RANBP3L: variants seen among roughly 807,000 people sequenced by gnomAD.
The protein encoded by RANBP3L is RAN binding protein 3 like, also known as ran-binding protein 3-like.
A neutral mutation model predicts 67.2 loss-of-function variants in RANBP3L; 56 were observed. The ratio of observed to expected loss-of-function variants is 0.83; its 90% CI spans 0.67 to 1.04. The LOEUF (loss-of-function observed/expected upper bound fraction) is 1.04, where lower values mean the gene tolerates loss of function less well. Among genes scored for constraint, RANBP3L ranks in the 50% least tolerant of loss-of-function variants. The pLI is 0.00. For missense variants in RANBP3L, 496 were observed against 535.5 expected, an observed-to-expected ratio of 0.93 and a Z score of 0.73; for synonymous variants, 164 against 181.4, an observed-to-expected ratio of 0.90 and a Z score of 0.77.
intron 1 of RANBP3L, among the ~76,000 whole-genome samples, chr5:36,272,399 A>AT (rs1369934103): frequency 6.6e-6 from 1 of 152,196 alleles, no homozygotes; most frequent in Admixed American, 6.5e-5. Context: ...CACTGAGGTA[A>AT]TTTGCCATCC....
intron 8 of RANBP3L, among the ~76,000 whole-genome samples, chr5:36,260,558 T>C (rs1363840): frequency 6.6e-6 from 1 of 151,966 alleles, no homozygotes; most frequent in Non-Finnish European, 1.5e-5. Context: ...TCAGTAATAA[T>C]GTTATAATTA....
intron 13 of RANBP3L, 66 bp from the exon 14 acceptor site, chr5:36,249,763 A>G (rs868492325): frequency 3.9e-6 from 3 of 763,058 alleles, no homozygotes; most frequent in Non-Finnish European, 6.3e-6. Flanking sequence ...TTAATATTGA[A>G]TGCAACTAAA....
chr5:36,285,244 G>A (rs1465454204), intron 1 of RANBP3L, among the ~76,000 whole-genome samples: 1 of 152,210 alleles, frequency 6.6e-6, no homozygotes, highest in Non-Finnish European at 1.5e-5. Context: ...CAACACAACT[G>A]AGGCAGCATT....
chr5:36,277,569 A>G (rs1469465172), intron 1 of RANBP3L, among the ~76,000 whole-genome samples: 2 of 151,652 alleles, frequency 1.3e-5, no homozygotes, highest in African/African-American at 4.8e-5. Context: ...CAGAATATCT[A>G]TCTGTATCTG....
rs1303925524 is a variant in RANBP3L, at chr5:36,265,067, T to C, written c.372A>G (p.Arg124=). 2.5e-6 allele frequency: 4 copies of C among 1,610,604 alleles called. No homozygotes were observed. Among genetic ancestry groups the C allele is most frequent in the East Asian group, 4.5e-5 (2 of 44,858 alleles). The change falls in exon 6 of 14, where the codon AGA becomes AGG. Residue 124 remains arginine (R), a synonymous_variant. Coordinates refer to ENST00000296604, the MANE Select transcript of RANBP3L (RefSeq NM_145000.5). ...GPVKHSKHVI[R]PAILQLPQAR... is the part of the protein sequence containing the mutation. ...CTTGAGGTAGCTGCAAAATAGCAGG[T>C]CTAATAACATGTTTAGAATGTTTCA...
rs1461492276 is a variant in RANBP3L, at chr5:36,301,467, C to T, written c.-51G>A. 7.0e-7 allele frequency: 1 copy of T among 1,433,176 alleles called. No homozygotes were observed. The highest frequency in any genetic ancestry group is 1.4e-5 in the African/African-American group (1 of 71,584). The allele number at this position is 1,433,176 out of a possible 1,614,324, so 88.8% of individuals were successfully genotyped here. A position where few individuals can be genotyped will look rare whatever the true frequency, so the allele number is the denominator to read the frequency against. ...AAGGATCACTAGGGCACCTCCTTCTCTGGCCAGTCACCTAAAGTGGCCTTC... is the reference window on the plus strand; with the variant it reads ...AAGGATCACTAGGGCACCTCCTTCTTTGGCCAGTCACCTAAAGTGGCCTTC... On this transcript the variant is annotated 5_prime_UTR_variant, in exon 1 of 14. Transcript: ENST00000296604.
intron 1 of RANBP3L, among the ~76,000 whole-genome samples, chr5:36,296,479 A>G (rs1163676249): frequency 6.6e-6 from 1 of 152,176 alleles, no homozygotes; most frequent in East Asian, 1.9e-4. Flanking sequence ...TTTCTCTAGT[A>G]TAGATCAATT....
intron 2 of RANBP3L, among the ~76,000 whole-genome samples, chr5:36,270,281 T>A (rs147818904): frequency 1.1e-4 from 16 of 152,306 alleles, no homozygotes; most frequent in African/African-American, 3.9e-4. Flanking sequence ...GATTCGCTTG[T>A]GGAAGTTAGT....
At chr5:36,254,369 G>T (rs1319438221) in intron 11 of RANBP3L, among the ~76,000 whole-genome samples, 1 of 152,064 alleles carries the variant, frequency 6.6e-6, no homozygotes, top group African/African-American at 2.4e-5. Flanking sequence ...ATCTCAGGAA[G>T]ATAGGCCTTT....
chr5:36,299,647 CA>C (rs1752481474), intron 1 of RANBP3L, among the ~76,000 whole-genome samples: 1 of 151,958 alleles, frequency 6.6e-6, no homozygotes, highest in Non-Finnish European at 1.5e-5. Context: ...CATATCAGTG[CA>C]AAGATCTATT....
At chr5:36,287,096 T>C (rs1245194320) in intron 1 of RANBP3L, among the ~76,000 whole-genome samples, 2 of 152,158 alleles carry the variant, frequency 1.3e-5, no homozygotes, top group African/African-American at 4.8e-5. Flanking sequence ...CCTCAGATCA[T>C]CAGACATTAG....
At chr5:36,251,287 GAACT>G in intron 13 of RANBP3L, 22 bp downstream of exon 13, 1 of 1,588,832 alleles carries the variant, frequency 6.3e-7, no homozygotes, top group South Asian at 1.1e-5. Flanking sequence ...TTAAACCTCT[GAACT>G]AACAAAACAA....
intron 11 of RANBP3L, among the ~76,000 whole-genome samples, chr5:36,255,168 A>G (rs1748879693): frequency 6.6e-6 from 1 of 152,056 alleles, no homozygotes; most frequent in African/African-American, 2.4e-5. Flanking sequence ...TCTCTCAGTC[A>G]CTCAATAAGT....
Position 36,301,866 on chromosome 5 carries a change from CAAGTGATTTCT to C in RANBP3L, c.-461_-451del, listed in dbSNP as rs1256713653. The C allele has an allele frequency of 6.3e-6, 1 of 159,238 alleles. No individual in the cohort carries two copies. The highest frequency in any genetic ancestry group is 1.4e-5 in the Non-Finnish European group (1 of 72,006). 9.9% of individuals were successfully genotyped at this position (159,238 alleles called of 1,614,324 possible). Reference sequence around the variant, plus strand: ...AAGAAAAAGTGCTGCTGAGTTAAGTCAAGTGATTTCTAAGCCTGATCTGAGTTACCCTCTGT... The same window carrying C: ...AAGAAAAAGTGCTGCTGAGTTAAGTCAAGCCTGATCTGAGTTACCCTCTGT... On this transcript the variant is annotated 5_prime_UTR_variant, in exon 1 of 14. Transcript: ENST00000296604.
intron 1 of RANBP3L, among the ~76,000 whole-genome samples, chr5:36,276,964 G>A (rs550085510): frequency 6.6e-6 from 1 of 152,256 alleles, no homozygotes; most frequent in East Asian, 1.9e-4. Flanking sequence ...AGTAGAGGTG[G>A]AAACCAAATT....
intron 1 of RANBP3L, among the ~76,000 whole-genome samples, chr5:36,290,793 G>A (rs1181426841): frequency 1.0e-4 from 14 of 139,282 alleles, no homozygotes; most frequent in East Asian, 2.2e-4. Context: ...GTGCAGTGGC[G>A]CGATCTCGGC....
In RANBP3L at chr5:36,251,458, A is replaced by T. The variant is rs758989266; in HGVS notation, c.1209T>A (p.His403Gln). ...AGCTTTGAAGTGCAACAAGACGATG[A>T]TGTATTGCTGCATACAAATATGCTG... ...QDTAYLYAAI[H>Q]HRLVALQSFN... The change falls in exon 13 of 14, where the codon CAT (histidine) becomes CAA (glutamine). Residue 403 changes from histidine (H) to glutamine (Q), a missense_variant. Coordinates refer to ENST00000296604, the MANE Select transcript of RANBP3L (RefSeq NM_145000.5). 4 of 1,612,634 alleles carry T rather than the reference A, an allele frequency of 2.5e-6. No homozygotes were observed. In the South Asian group the frequency reaches 3.3e-5, roughly 13 times the overall value.
At chr5:36,255,091 T>A (rs1748873719) in intron 11 of RANBP3L, among the ~76,000 whole-genome samples, 2 of 152,156 alleles carry the variant, frequency 1.3e-5, no homozygotes, top group Admixed American at 1.3e-4. Context: ...CAAATAATAA[T>A]AAGATTACTA....
rs1554017945 is a variant in RANBP3L, at chr5:36,277,422, C to CTATA, written c.92-6115_92-6112dup. On this transcript the variant is annotated intron_variant, in intron 1 of 13. Coordinates refer to ENST00000296604, the MANE Select transcript of RANBP3L (RefSeq NM_145000.5). ...CATCTCTCTCTCTCTCTCTCTCTCT[C>CTATA]TATATATATATATATATATGTGTGT... Among the ~76,000 whole-genome samples, 137 of 115,198 alleles carry CTATA rather than the reference C, an allele frequency of 1.2e-3. 1 individual carries two copies. The highest frequency in any genetic ancestry group is 1.3e-3 in the Non-Finnish European group (75 of 56,246). The allele number at this position is 115,198 out of a possible 152,430, so 75.6% of individuals were successfully genotyped here.
Sources: allele counts gnomAD v4.1 joint callset (sites outside exome capture counted in the v4.1 genomes callset), GRCh38; gene constraint gnomAD v4.1.1; transcripts MANE v1.5; gene names NCBI Gene and HGNC (gene_info 2026-07-23, HGNC 2026-07-21).